The following KLF8 variants were observed in gnomAD, a reference collection of about 807,000 sequenced individuals.
The protein encoded by KLF8 is Krueppel-like factor 8.
In KLF8, 10 loss-of-function variants were observed where a neutral mutation model predicts 18.2. The observed-to-expected ratio is 0.55, with a 90% CI of 0.34 to 0.93. The LOEUF (loss-of-function observed/expected upper bound fraction) is 0.93, where lower values mean the gene tolerates loss of function less well. KLF8 is among the 40% of genes least tolerant of loss of function. The pLI is 0.02. For synonymous variants in KLF8, 109 were observed against 97.3 expected, an observed-to-expected ratio of 1.12 and a Z score of -0.71; for missense variants, 264 against 277.9, an observed-to-expected ratio of 0.95 and a Z score of 0.36.
At chrX:56,172,721 AAC>A in the KLF8 span, among the ~76,000 whole-genome samples, 2 of 111,936 alleles carry the variant, frequency 1.8e-5, no homozygotes, top group Admixed American at 1.9e-4. Flanking sequence ...CAGTCCCGCC[AAC>A]AGTGTAAAAG....
the KLF8 span, among the ~76,000 whole-genome samples, chrX:55,947,242 G>A: frequency 9.0e-6 from 1 of 110,653 alleles, no homozygotes. Context: ...CAAGCCAAAT[G>A]TCCAACAATG....
At chrX:56,225,441 T>C in the KLF8 span, among the ~76,000 whole-genome samples, 1 of 111,471 alleles carries the variant, frequency 9.0e-6, no homozygotes, top group Admixed American at 9.6e-5. Flanking sequence ...AACTATGTTA[T>C]GCAAGAGATA....
chrX:55,910,201 T>A, the KLF8 span, among the ~76,000 whole-genome samples: 1 of 111,854 alleles, frequency 8.9e-6, no homozygotes, highest in Non-Finnish European at 1.9e-5. Context: ...AATTACATTG[T>A]GTTATTATAT....
At chrX:55,955,285 T>G in the KLF8 span, among the ~76,000 whole-genome samples, 4 of 109,987 alleles carry the variant, frequency 3.6e-5, no homozygotes, top group African/African-American at 1.3e-4. Flanking sequence ...TAGGCAGGAG[T>G]GTTCTTAGAG....
chrX:56,146,703 A>G, the KLF8 span, among the ~76,000 whole-genome samples: 1 of 45,717 alleles, frequency 2.2e-5, no homozygotes, highest in Non-Finnish European at 4.6e-5. Flanking sequence ...CCCAGAACTT[A>G]AAGTATAATA....
the KLF8 span, among the ~76,000 whole-genome samples, chrX:56,156,928 T>C: frequency 4.6e-5 from 5 of 109,257 alleles, no homozygotes; most frequent in Admixed American, 4.0e-4. Context: ...TAAAGACACA[T>C]GCTCATGTAT....
chrX:56,252,743 TG>T (rs1296648638), intron 2 of KLF8, among the ~76,000 whole-genome samples: 1 of 112,225 alleles, frequency 8.9e-6, no homozygotes, highest in Non-Finnish European at 1.9e-5. Context: ...TACCCAGCAG[TG>T]GGATTGCTGG....
the KLF8 span, among the ~76,000 whole-genome samples, chrX:56,180,111 C>T: frequency 1.8e-5 from 2 of 111,349 alleles, no homozygotes; most frequent in East Asian, 5.6e-4. Flanking sequence ...GCTGTGAATC[C>T]GTCTGATCCT....
At chrX:56,065,267 T>G in the KLF8 span, among the ~76,000 whole-genome samples, 1 of 111,925 alleles carries the variant, frequency 8.9e-6, no homozygotes, top group East Asian at 2.8e-4. Flanking sequence ...CTGTTGACTT[T>G]CCTTATTCTT....
At chrX:55,999,847 C>T in the KLF8 span, among the ~76,000 whole-genome samples, 1 of 111,707 alleles carries the variant, frequency 9.0e-6, no homozygotes. Flanking sequence ...ATTCTTTTGC[C>T]TGATTGCTCT....
At chrX:55,936,859 A>G in the KLF8 span, among the ~76,000 whole-genome samples, 1 of 110,037 alleles carries the variant, frequency 9.1e-6, no homozygotes, top group African/African-American at 3.3e-5. Context: ...AGGCTTGAGT[A>G]GTAAACAAAG....
the KLF8 span, among the ~76,000 whole-genome samples, chrX:55,958,685 T>C: frequency 1.8e-5 from 2 of 112,655 alleles, no homozygotes; most frequent in Non-Finnish European, 3.8e-5. Context: ...GAAAGTAGTC[T>C]AGAACATCTT....
At chrX:55,946,577 C>G in the KLF8 span, among the ~76,000 whole-genome samples, 1 of 111,572 alleles carries the variant, frequency 9.0e-6, no homozygotes, top group Non-Finnish European at 1.9e-5. Context: ...TAGGCATGGG[C>G]AAGGACTTCA....
the KLF8 span, among the ~76,000 whole-genome samples, chrX:56,098,915 C>T: frequency 2.7e-5 from 3 of 111,551 alleles, no homozygotes; most frequent in South Asian, 3.8e-4. Flanking sequence ...TACAAAAATC[C>T]GTTGCATTTC....
intron 2 of KLF8, among the ~76,000 whole-genome samples, chrX:56,251,494 G>A (rs111350090): frequency 0.1 from 11,141 of 109,039 alleles, 1,026 homozygotes; most frequent in African/African-American, 0.29. Context: ...ACGGAGTCTC[G>A]CTTTGTCACC....
the KLF8 span, among the ~76,000 whole-genome samples, chrX:55,985,640 G>GTT: frequency 1.1e-3 from 116 of 103,284 alleles, no homozygotes; most frequent in East Asian, 1.5e-3. Context: ...ATTTTAAAAG[G>GTT]TTTTTTTTTT....
chrX:56,239,411 G>A (rs752524564), intron 1 of KLF8, among the ~76,000 whole-genome samples: 1 of 112,116 alleles, frequency 8.9e-6, no homozygotes, highest in African/African-American at 3.2e-5. Context: ...CATTTGAAAG[G>A]TTGTTAGATG....
chrX:56,263,084 G>A (rs934514938), intron 2 of KLF8, among the ~76,000 whole-genome samples: 12 of 111,984 alleles, frequency 1.1e-4, no homozygotes, highest in Non-Finnish European at 5.6e-5. Context: ...AGAGTTATGT[G>A]GGAAATGTAG....
chrX:56,155,164 A>G, the KLF8 span, among the ~76,000 whole-genome samples: 1 of 111,770 alleles, frequency 8.9e-6, no homozygotes, highest in Non-Finnish European at 1.9e-5. Context: ...ACGTATATTT[A>G]TTGTGGCACT....
Sources: gnomAD v4.1 joint callset for allele counts (sites outside exome capture counted in the v4.1 genomes callset) on GRCh38, gnomAD v4.1.1 for gene constraint, MANE v1.5 for transcripts, NCBI Gene and HGNC (gene_info 2026-07-23, HGNC 2026-07-21) for gene names.